SLC39A14: variants seen among roughly 807,000 people sequenced by gnomAD.
The protein encoded by SLC39A14 is solute carrier family 39 member 14, also known as metal cation symporter ZIP14.
In SLC39A14, 19 loss-of-function variants were observed where a neutral mutation model predicts 45.5. The ratio of observed to expected loss-of-function variants is 0.42; its 90% CI spans 0.29 to 0.61. The LOEUF is 0.61. Among genes scored for constraint, SLC39A14 ranks in the 20% least tolerant of loss-of-function variants. The pLI, the probability that SLC39A14 is intolerant of heterozygous loss-of-function variation, is 0.22. For missense variants in SLC39A14, 447 were observed against 616.5 expected (o/e 0.73, Z 2.91); for synonymous variants, 264 against 251.3 (o/e 1.05, Z -0.48).
chr8:22,397,058 T>G (rs1420731895), intron 1 of SLC39A14, among the ~76,000 whole-genome samples: 1 of 152,178 alleles, frequency 6.6e-6, no homozygotes, highest in Non-Finnish European at 1.5e-5. Context: ...AAGTCTTTAG[T>G]GTTTCAATAT....
intron 8 of SLC39A14, 123 bp downstream of exon 8, chr8:22,417,958 A>G (rs776104539): frequency 6.1e-6 from 5 of 822,886 alleles, no homozygotes; most frequent in Non-Finnish European, 7.3e-6. Flanking sequence ...GCTGGAGTGC[A>G]GTGGCATGAT....
chr8:22,404,893 G>C lies in SLC39A14; in HGVS notation c.183G>C (p.Gln61His). 1.9e-6 allele frequency: 3 copies of C among 1,614,182 alleles called. No homozygotes were observed. Among genetic ancestry groups the C allele is most frequent in the Non-Finnish European group, 2.5e-6 (3 of 1,180,012 alleles). Residue 61 changes from glutamine (Q) to histidine (H), a missense_variant, in exon 2 of 9, where the codon CAG becomes CAC. By Grantham distance (24) the Gln-to-His change is conservative. This residue lies in a region of SLC39A14 where 342 missense variants were observed against 428.1 expected (regional missense o/e 0.80). Coordinates refer to ENST00000381237, the MANE Select transcript of SLC39A14 (RefSeq NM_001128431.4). The part of the protein sequence containing the change: ...YGEGDSLTLQ[Q>H]LKALLNHLDV... ...AGGGTGACAGCCTCACTCTGCAGCAGCTGAAGGCCCTACTCAACCACCTGG... is the reference window on the plus strand; with the variant it reads ...AGGGTGACAGCCTCACTCTGCAGCACCTGAAGGCCCTACTCAACCACCTGG...
In SLC39A14 at chr8:22,414,680, C is replaced by G. The variant is rs150014238; in HGVS notation, c.628-100C>G. ...GGCAGAGTTACTCCATTATGCCTCT[C>G]TCCTTTCCTAGAGTCAAGGAAGTAG... On this transcript the variant is annotated intron_variant, in intron 4 of 8. Coordinates refer to ENST00000381237, the MANE Select transcript of SLC39A14 (RefSeq NM_001128431.4). The G allele has an allele frequency of 5.8e-5, 74 of 1,281,422 alleles. No homozygotes were observed. The East Asian group carries it at 1.7e-3, about 29-fold the overall frequency. 79.4% of individuals were successfully genotyped at this position (1,281,422 alleles called of 1,614,324 possible). A position where few individuals can be genotyped will look rare whatever the true frequency, so the allele number is the denominator to read the frequency against.
downstream of SLC39A14, among the ~76,000 whole-genome samples, chr8:22,425,028 CAAA>C (rs71544902): frequency 6.7e-3 from 499 of 74,332 alleles, no homozygotes; most frequent in African/African-American, 0.022. Flanking sequence ...GACTCCGTCT[CAAA>C]AAAAAAAAAA....
At position 22,422,681 on chromosome 8, in the gene SLC39A14, G is replaced by A; in HGVS notation, c.*2983G>A. 1.0e-6 allele frequency: 1 copy of A among 985,080 alleles called. No homozygotes were observed. Among genetic ancestry groups the A allele is most frequent in the Non-Finnish European group, 1.2e-6 (1 of 829,648 alleles). The allele number at this position is 985,080 out of a possible 1,614,324, so 61.0% of individuals were successfully genotyped here. A position where few individuals can be genotyped will look rare whatever the true frequency, so the allele number is the denominator to read the frequency against. On this transcript the variant is annotated 3_prime_UTR_variant, in exon 9 of 9. Transcript: ENST00000381237. Reference sequence around the variant, plus strand: ...AATAAAGCTATATTCTGTAATTGTTGAGAATCCCACGGGTGATCATTTGCA... The same window carrying A: ...AATAAAGCTATATTCTGTAATTGTTAAGAATCCCACGGGTGATCATTTGCA...
intron 1 of SLC39A14, among the ~76,000 whole-genome samples, chr8:22,389,352 C>G (rs1419181105): frequency 1.3e-5 from 2 of 152,160 alleles, no homozygotes; most frequent in Non-Finnish European, 2.9e-5. Flanking sequence ...GACTCTGCAT[C>G]TCAGCTGCAG....
At position 22,417,733 on chromosome 8, in the gene SLC39A14, C is replaced by T. The variant is rs139010521; in HGVS notation, c.1230C>T (p.Tyr410=). 3.5e-5 allele frequency: 57 copies of T among 1,614,064 alleles called. No individual in the cohort carries two copies. The highest frequency in any genetic ancestry group is 3.1e-4 in the African/African-American group (23 of 74,914). ...ACTTCCTTTCTGCCTGCTGCTGCTA[C>T]CTGGGTCTGGCCTTTGGCATCCTGG... ...FFNFLSACCC[Y]LGLAFGILAG... The change falls in exon 8 of 9, where the codon TAC becomes TAT. Residue 410 remains tyrosine, a synonymous_variant. Coordinates refer to ENST00000381237, the MANE Select transcript of SLC39A14 (RefSeq NM_001128431.4).
chr8:22,400,553 A>G (rs1352857316), intron 1 of SLC39A14, among the ~76,000 whole-genome samples: 1 of 152,222 alleles, frequency 6.6e-6, no homozygotes, highest in Non-Finnish European at 1.5e-5. Context: ...CTGCTCGCCA[A>G]AATTTAACAT....
chr8:22,381,824 A>T (rs1833529922), intron 1 of SLC39A14, among the ~76,000 whole-genome samples: 1 of 152,178 alleles, frequency 6.6e-6, no homozygotes, highest in Non-Finnish European at 1.5e-5. Context: ...CAATAAAAAA[A>T]ACAAATGAAT....
At chr8:22,368,182 A>G (rs1398971090) in intron 1 of SLC39A14, among the ~76,000 whole-genome samples, 1 of 152,156 alleles carries the variant, frequency 6.6e-6, no homozygotes, top group African/African-American at 2.4e-5. Context: ...TCCGGACACA[A>G]TTGGGGAGTG....
intron 1 of SLC39A14, among the ~76,000 whole-genome samples, chr8:22,401,024 A>G (rs1028382983): frequency 2.0e-5 from 3 of 152,234 alleles, no homozygotes; most frequent in African/African-American, 7.2e-5. Flanking sequence ...GTGGATACCA[A>G]TTTTATAGAT....
rs112687724 is a variant in SLC39A14 at position 22,408,305 on chromosome 8, T to C, written c.271-5T>C. 836 of 1,611,890 alleles carry C rather than the reference T, an allele frequency of 5.2e-4. 10 individuals are homozygous for C. In the African/African-American group the frequency reaches 9.7e-3, roughly 19 times the overall value. On this transcript the variant is annotated splice_region_variant and splice_polypyrimidine_tract_variant and intron_variant, in intron 2 of 8. Coordinates refer to ENST00000381237, the MANE Select transcript of SLC39A14 (RefSeq NM_001128431.4). ...AAGCGGCTTCCTGCCCTTCCTGTGTTTCAGTGCTTTAGTTCTGGAGACCTC... is the reference window on the plus strand; with the variant it reads ...AAGCGGCTTCCTGCCCTTCCTGTGTCTCAGTGCTTTAGTTCTGGAGACCTC...
chr8:22,386,722 A>C (rs979419560), intron 1 of SLC39A14, among the ~76,000 whole-genome samples: 1 of 152,188 alleles, frequency 6.6e-6, no homozygotes, highest in Non-Finnish European at 1.5e-5. Flanking sequence ...TTTTATTTCA[A>C]CATTTCCTCC....
chr8:22,395,782 C>T (rs767208612), intron 1 of SLC39A14, among the ~76,000 whole-genome samples: 41 of 152,118 alleles, frequency 2.7e-4, no homozygotes, highest in Non-Finnish European at 5.9e-4. Flanking sequence ...TGTGGTTTAC[C>T]TGTCTGTGGC....
downstream of SLC39A14, among the ~76,000 whole-genome samples, chr8:22,426,135 G>A (rs1342925209): frequency 2.6e-5 from 4 of 151,636 alleles, no homozygotes; most frequent in East Asian, 5.8e-4. Context: ...CAGGTGATCC[G>A]CCCACCCTGG....
At position 22,403,689 on chromosome 8, in the gene SLC39A14, T is replaced by TG. The variant is rs1226703286; in HGVS notation, c.-15-1004dup. 2.0e-5 allele frequency among the ~76,000 whole-genome samples: 3 copies of TG among 151,076 alleles called. No individual in the cohort carries two copies. In the East Asian group the frequency reaches 6.0e-4, roughly 30 times the overall value. ...ATCCCAGCAGTTTGGGAGGCCGAGG[T>TG]GGGTGGATCACTTGAGCCCAGGAGT... On this transcript the variant is annotated intron_variant, in intron 1 of 8. Transcript: ENST00000381237.
chr8:22,416,859 A>G (rs1835916505), intron 7 of SLC39A14, among the ~76,000 whole-genome samples: 1 of 152,210 alleles, frequency 6.6e-6, no homozygotes, highest in South Asian at 2.1e-4. Context: ...GGTTAATAAG[A>G]GCACCTCCTT....
At chr8:22,392,456 A>G (rs892376924) in intron 1 of SLC39A14, among the ~76,000 whole-genome samples, 3 of 152,086 alleles carry the variant, frequency 2.0e-5, no homozygotes, top group Admixed American at 1.3e-4. Context: ...TCTGATCCCG[A>G]ATAACAAGCC....
chr8:22,400,865 TGA>T (rs1256489942), intron 1 of SLC39A14, among the ~76,000 whole-genome samples: 2 of 152,224 alleles, frequency 1.3e-5, no homozygotes, highest in African/African-American at 2.4e-5. Context: ...ATGTTTGGGT[TGA>T]GAGAGTCAGA....
Sources: allele counts gnomAD v4.1 joint callset (sites outside exome capture counted in the v4.1 genomes callset), GRCh38; gene constraint gnomAD v4.1.1; regional missense constraint gnomAD v4.1.1; transcripts MANE v1.5; gene names NCBI Gene and HGNC (gene_info 2026-07-23, HGNC 2026-07-21).